GRID2: variants seen among roughly 807,000 people sequenced by gnomAD.
GRID2 encodes glutamate ionotropic receptor delta type subunit 2, also known as glutamate receptor ionotropic, delta-2.
In GRID2, 33 loss-of-function variants were observed where a neutral mutation model predicts 114.8. That is an observed-to-expected ratio of 0.29 (90% CI 0.22 to 0.38). The LOEUF (loss-of-function observed/expected upper bound fraction) is 0.38. Ranked by LOEUF, GRID2 falls within the 10% of genes least tolerant of loss-of-function variation. The pLI, the probability that GRID2 is intolerant of heterozygous loss-of-function variation, is 1.00. For missense variants in GRID2, 1,184 were observed against 1,257.7 expected (o/e 0.94, Z 0.89); for synonymous variants, 505 against 449.9 (o/e 1.12, Z -1.55).
chr4:93,135,437 T>A (rs1228153292), intron 4 of GRID2, among the ~76,000 whole-genome samples: 1 of 152,236 alleles, frequency 6.6e-6, no homozygotes, highest in Admixed American at 6.5e-5. Flanking sequence ...AGCTTCCGTG[T>A]GTGCCATTTG....
intron 2 of GRID2, among the ~76,000 whole-genome samples, chr4:92,746,228 A>T (rs1184613563): frequency 2.6e-5 from 4 of 152,164 alleles, no homozygotes; most frequent in African/African-American, 9.6e-5. Context: ...GAATAAACTC[A>T]TGATTGAATA....
At chr4:93,192,981 A>T (rs1321290466) in intron 4 of GRID2, among the ~76,000 whole-genome samples, 1 of 152,164 alleles carries the variant, frequency 6.6e-6, no homozygotes. Context: ...GAAAAGCAAA[A>T]CAACAACAAA....
intron 13 of GRID2, among the ~76,000 whole-genome samples, chr4:93,517,769 G>A (rs1729873605): frequency 6.6e-6 from 1 of 151,498 alleles, no homozygotes; most frequent in Admixed American, 6.6e-5. Context: ...TCACACAGCA[G>A]CTTTTTATTC....
At position 93,492,272 on chromosome 4, in the gene GRID2, C is replaced by G. The variant is rs976866427; in HGVS notation, c.1997+1495C>G. ...TTGTGATGCATTAGCTTATTTAAAACTTACTATCATCTTCAAAAATACATA... is the reference window on the plus strand; with the variant it reads ...TTGTGATGCATTAGCTTATTTAAAAGTTACTATCATCTTCAAAAATACATA... On this transcript the variant is annotated intron_variant, in intron 12 of 15. Transcript: ENST00000282020. 4.6e-5 allele frequency among the ~76,000 whole-genome samples: 7 copies of G among 151,980 alleles called. No homozygotes were observed. The East Asian group carries it at 1.2e-3, about 25-fold the overall frequency.
At chr4:93,715,957 A>G (rs1728867222) in intron 14 of GRID2, among the ~76,000 whole-genome samples, 1 of 152,148 alleles carries the variant, frequency 6.6e-6, no homozygotes, top group South Asian at 2.1e-4. Flanking sequence ...CAGAACTTCC[A>G]ATACCACATT....
intron 13 of GRID2, among the ~76,000 whole-genome samples, chr4:93,523,323 C>G (rs1008004821): frequency 1.3e-5 from 2 of 152,134 alleles, no homozygotes; most frequent in African/African-American, 4.8e-5. Context: ...TTGCTTGGGA[C>G]AGTCTCGATT....
chr4:93,403,617 A>T (rs1305826161), intron 9 of GRID2, among the ~76,000 whole-genome samples: 1 of 152,166 alleles, frequency 6.6e-6, no homozygotes, highest in Non-Finnish European at 1.5e-5. Context: ...CAGTAAGCAA[A>T]TGAAGAGATG....
chr4:92,981,731 T>A (rs2045316), intron 2 of GRID2, among the ~76,000 whole-genome samples: 10 of 151,646 alleles, frequency 6.6e-5, no homozygotes, highest in Non-Finnish European at 1.2e-4. Flanking sequence ...AGACATGGTC[T>A]TAATAATTCA....
At chr4:92,570,872 A>G (rs1279354457) in intron 1 of GRID2, among the ~76,000 whole-genome samples, 2 of 152,100 alleles carry the variant, frequency 1.3e-5, no homozygotes, top group East Asian at 3.9e-4. Context: ...TTTTCTAGAT[A>G]CAGCATTATG....
chr4:92,628,172 A>C (rs1730613912), intron 2 of GRID2, among the ~76,000 whole-genome samples: 1 of 152,158 alleles, frequency 6.6e-6, no homozygotes, highest in African/African-American at 2.4e-5. Context: ...CTAAGGATAC[A>C]ACAATCAGCT....
intron 2 of GRID2, among the ~76,000 whole-genome samples, chr4:92,820,310 T>C (rs550842362): frequency 6.6e-6 from 1 of 152,270 alleles, no homozygotes; most frequent in Admixed American, 6.5e-5. Flanking sequence ...AAAGGACCAG[T>C]GCAATGCTGT....
At chr4:92,399,028 A>G (rs1027161840) in intron 1 of GRID2, among the ~76,000 whole-genome samples, 5 of 152,206 alleles carry the variant, frequency 3.3e-5, no homozygotes, top group African/African-American at 4.8e-5. Context: ...AGCTAGAGCT[A>G]CAACTGGTTT....
intron 1 of GRID2, among the ~76,000 whole-genome samples, chr4:92,381,700 A>G (rs1729628703): frequency 2.0e-5 from 3 of 152,024 alleles, no homozygotes; most frequent in African/African-American, 2.4e-5. Context: ...TGTGGAGTTT[A>G]ATTTCAATGT....
In GRID2 at chr4:93,784,645, T is replaced by TACACACACAC. The variant is rs59896203; in HGVS notation, c.221+15216_221+15225dup. Among the ~76,000 whole-genome samples, 740 of 147,724 alleles carry TACACACACAC rather than the reference T, an allele frequency of 5.0e-3. 10 individuals carry two copies. The highest frequency in any genetic ancestry group is 0.014 in the African/African-American group (551 of 40,084). ...TTTTATATTTTCAGAGTCCTTTTTA[T>TACACACACAC]ACACACACACACACACACACACACA... On this transcript the variant is annotated intron_variant, in intron 1 of 1. Transcript: ENST00000637838.
intron 1 of GRID2, among the ~76,000 whole-genome samples, chr4:92,427,928 A>G (rs1429044651): frequency 6.6e-6 from 1 of 152,198 alleles, no homozygotes; most frequent in Non-Finnish European, 1.5e-5. Flanking sequence ...TTTGGAGATT[A>G]GAATTATTTT....
At chr4:93,519,027 G>A (rs1456732082) in intron 13 of GRID2, among the ~76,000 whole-genome samples, 1 of 152,102 alleles carries the variant, frequency 6.6e-6, no homozygotes, top group African/African-American at 2.4e-5. Context: ...TCACGTGAGA[G>A]CTTCCTAAAA....
At position 92,427,672 on chromosome 4, in the gene GRID2, C is replaced by CAAA. The variant is rs558908369; in HGVS notation, c.88+122930_88+122932dup. Among the ~76,000 whole-genome samples the CAAA allele has an allele frequency of 3.2e-3, 483 of 152,170 alleles. 4 individuals carry two copies. The highest frequency in any genetic ancestry group is 0.011 in the African/African-American group (446 of 41,530). On this transcript the variant is annotated intron_variant, in intron 1 of 15. Transcript: ENST00000282020. ...CTAGAACATTTTATCAAAATAGCAA[C>CAAA]AAAATGTTAACAAATAGAGCGAATA...
rs942093496 is a variant in GRID2, at chr4:93,270,908, C to T, written c.1245+32418C>T. Among the ~76,000 whole-genome samples, 17 of 152,210 alleles carry T rather than the reference C, an allele frequency of 1.1e-4. No homozygotes were observed. In the East Asian group the frequency reaches 1.7e-3, roughly 16 times the overall value. On this transcript the variant is annotated intron_variant, in intron 8 of 15. Transcript: ENST00000282020. Reference sequence around the variant, plus strand: ...CCTCTCAAAGTGCTGGGATTACAGGCGTGAGCCACCGTGCCCGGCCCATAA... The same window carrying T: ...CCTCTCAAAGTGCTGGGATTACAGGTGTGAGCCACCGTGCCCGGCCCATAA...
At chr4:92,644,594 C>A (rs1731521294) in intron 2 of GRID2, among the ~76,000 whole-genome samples, 1 of 151,650 alleles carries the variant, frequency 6.6e-6, no homozygotes, top group African/African-American at 2.4e-5. Context: ...GTTCCTTGAA[C>A]AAATTATATG....
Sources: allele counts gnomAD v4.1 joint callset (sites outside exome capture counted in the v4.1 genomes callset), GRCh38; gene constraint gnomAD v4.1.1; transcripts MANE v1.5; gene names NCBI Gene and HGNC (gene_info 2026-07-23, HGNC 2026-07-21).